The following GNAQ variants were observed in gnomAD, a reference collection of about 807,000 sequenced individuals.
GNAQ encodes the protein guanine nucleotide-binding protein G(q) subunit alpha.
In GNAQ, 8 loss-of-function variants were observed where a neutral mutation model predicts 43.9. The ratio of observed to expected loss-of-function variants is 0.18; its 90% CI spans 0.11 to 0.33. GNAQ has a LOEUF of 0.33. Ranked by LOEUF, GNAQ falls within the 10% of genes least tolerant of loss-of-function variation. The probability of loss-of-function intolerance (pLI) is 1.00; values close to 1 mark genes in which losing one functional copy is unlikely to be tolerated. For synonymous variants in GNAQ, 155 were observed against 170.7 expected (o/e 0.91, Z 0.71); for missense variants, 158 against 450.8 (o/e 0.35, Z 5.88).
chr9:77,813,669 A>C (rs912012233), intron 3 of GNAQ, among the ~76,000 whole-genome samples: 2 of 152,098 alleles, frequency 1.3e-5, no homozygotes, highest in Non-Finnish European at 2.9e-5. Context: ...CAGGAGGAGG[A>C]GGCAAACCCT....
intron 5 of GNAQ, among the ~76,000 whole-genome samples, chr9:77,735,427 G>GTATT (rs1274411777): frequency 6.6e-6 from 1 of 151,968 alleles, no homozygotes; most frequent in Non-Finnish European, 1.5e-5. Context: ...ACTCTCTCAG[G>GTATT]TATTTATCTC....
At chr9:78,005,598 G>A (rs1276507173) in intron 1 of GNAQ, among the ~76,000 whole-genome samples, 2 of 152,178 alleles carry the variant, frequency 1.3e-5, no homozygotes, top group African/African-American at 4.8e-5. Context: ...TCACATCAGT[G>A]TGCATCTGGA....
At chr9:77,923,777 A>T (rs1829030588) in intron 1 of GNAQ, among the ~76,000 whole-genome samples, 1 of 152,152 alleles carries the variant, frequency 6.6e-6, no homozygotes, top group Admixed American at 6.6e-5. Flanking sequence ...AGAAAGAAAG[A>T]AAGGGAAGGA....
chr9:77,738,308 C>T (rs142267195), intron 5 of GNAQ, among the ~76,000 whole-genome samples: 11 of 112,236 alleles, frequency 9.8e-5, no homozygotes, highest in East Asian at 2.3e-4. Flanking sequence ...GTTAATAGCA[C>T]GCTACAAACC....
At chr9:77,725,582 A>T (rs1347192794) in intron 6 of GNAQ, among the ~76,000 whole-genome samples, 35 of 143,544 alleles carry the variant, frequency 2.4e-4, no homozygotes, top group African/African-American at 8.3e-4. Context: ...GTAACAGTAA[A>T]AAAAAAAAAA....
chr9:77,731,703 C>T (rs1313437514), intron 5 of GNAQ, among the ~76,000 whole-genome samples: 1 of 152,146 alleles, frequency 6.6e-6, no homozygotes, highest in Non-Finnish European at 1.5e-5. Flanking sequence ...TAAAACAAGG[C>T]TTCTACTTCA....
At chr9:77,776,772 A>C (rs1394668101) in intron 5 of GNAQ, among the ~76,000 whole-genome samples, 4 of 152,182 alleles carry the variant, frequency 2.6e-5, no homozygotes, top group African/African-American at 9.6e-5. Flanking sequence ...ACTGAACAAC[A>C]GCAGAATATA....
Position 77,718,097 on chromosome 9 carries a change from T to C in GNAQ, c.*3226A>G, listed in dbSNP as rs547106883. 3 of 232,882 alleles carry C rather than the reference T, an allele frequency of 1.3e-5. No individual in the cohort carries two copies. The highest frequency in any genetic ancestry group is 3.6e-4 in the South Asian group (2 of 5,528). 14.4% of individuals were successfully genotyped at this position (232,882 alleles called of 1,614,324 possible). A position where few individuals can be genotyped will look rare whatever the true frequency, so the allele number is the denominator to read the frequency against. On this transcript the variant is annotated 3_prime_UTR_variant, in exon 7 of 7. Transcript: ENST00000286548. Reference sequence around the variant, plus strand: ...ACACTGCAATGTGTTAAGTGAGTCATGAAATGGCTGCTTGCCTTGGTATGC... The same window carrying C: ...ACACTGCAATGTGTTAAGTGAGTCACGAAATGGCTGCTTGCCTTGGTATGC...
At chr9:77,839,910 G>C (rs1827456462) in intron 2 of GNAQ, among the ~76,000 whole-genome samples, 1 of 152,196 alleles carries the variant, frequency 6.6e-6, no homozygotes, top group African/African-American at 2.4e-5. Flanking sequence ...TATGATGACA[G>C]AGAGCTTTGT....
chr9:77,836,161 G>A (rs1827380872), intron 2 of GNAQ, among the ~76,000 whole-genome samples: 1 of 152,002 alleles, frequency 6.6e-6, no homozygotes, highest in African/African-American at 2.4e-5. Context: ...TAGTAAATTA[G>A]GCCTGCAAGC....
chr9:77,759,794 G>T (rs1208473277), intron 5 of GNAQ, among the ~76,000 whole-genome samples: 1 of 152,174 alleles, frequency 6.6e-6, no homozygotes, highest in Non-Finnish European at 1.5e-5. Context: ...TCTCCAAAAG[G>T]CTCAGTTTTC....
chr9:77,888,312 C>G (rs1009097401), intron 2 of GNAQ, among the ~76,000 whole-genome samples: 2 of 152,136 alleles, frequency 1.3e-5, no homozygotes, highest in Non-Finnish European at 2.9e-5. Context: ...CATTCTAGAT[C>G]ACTGGCAATA....
At chr9:77,916,559 C>T (rs1389218507) in intron 2 of GNAQ, among the ~76,000 whole-genome samples, 2 of 152,108 alleles carry the variant, frequency 1.3e-5, no homozygotes, top group Admixed American at 6.6e-5. Context: ...TTTCCTGTGA[C>T]AAGTTCTTTC....
At chr9:77,894,633 G>A (rs937691690) in intron 2 of GNAQ, among the ~76,000 whole-genome samples, 1 of 150,774 alleles carries the variant, frequency 6.6e-6, no homozygotes, top group African/African-American at 2.4e-5. Flanking sequence ...ATGTTGACCA[G>A]GAAGGTCTAG....
intron 3 of GNAQ, among the ~76,000 whole-genome samples, chr9:77,802,469 T>A (rs182058557): frequency 7.2e-5 from 11 of 152,074 alleles, no homozygotes; most frequent in Admixed American, 2.6e-4. Context: ...GTACTTTCCA[T>A]TGAAGCATTT....
chr9:77,960,450 G>A (rs1823093330), intron 1 of GNAQ, among the ~76,000 whole-genome samples: 1 of 152,118 alleles, frequency 6.6e-6, no homozygotes, highest in African/African-American at 2.4e-5. Context: ...GCCCTTAGTT[G>A]CCCTGTTACC....
At chr9:77,930,093 T>G (rs1031147579) in intron 1 of GNAQ, among the ~76,000 whole-genome samples, 1 of 152,180 alleles carries the variant, frequency 6.6e-6, no homozygotes, top group Non-Finnish European at 1.5e-5. Flanking sequence ...TCCATTTCCT[T>G]AGGAGAGTAT....
intron 1 of GNAQ, among the ~76,000 whole-genome samples, chr9:77,995,500 A>T (rs560263102): frequency 2.0e-4 from 30 of 152,022 alleles, no homozygotes; most frequent in South Asian, 1.0e-3. Context: ...ATATATATAT[A>T]TTTTTTCCTT....
At chr9:78,025,906 C>CT (rs950117014) in intron 1 of GNAQ, among the ~76,000 whole-genome samples, 10 of 152,166 alleles carry the variant, frequency 6.6e-5, no homozygotes, top group African/African-American at 2.2e-4. Flanking sequence ...AAATCTGTTC[C>CT]TTTTTTCTGC....
Sources: allele counts gnomAD v4.1 joint callset (sites outside exome capture counted in the v4.1 genomes callset), GRCh38; gene constraint gnomAD v4.1.1; transcripts MANE v1.5; gene names NCBI Gene and HGNC (gene_info 2026-07-23, HGNC 2026-07-21).